Variants in FSIP1 observed in about 807,000 individuals in gnomAD.
FSIP1 encodes the protein fibrous sheath interacting protein 1.
Under a neutral mutation model 60.9 loss-of-function variants are expected in FSIP1, and 65 were observed. That is an observed-to-expected ratio of 1.07 (90% CI 0.87 to 1.31). The LOEUF (loss-of-function observed/expected upper bound fraction) is 1.31, where lower values mean the gene tolerates loss of function less well. Ranked by LOEUF, FSIP1 falls within the 40% of genes most tolerant of loss-of-function variation. FSIP1 has a pLI of 0.00. For synonymous variants in FSIP1, 209 were observed against 221.2 expected (o/e 0.94, Z 0.49); for missense variants, 675 against 665.5 (o/e 1.01, Z -0.16).
intron 8 of FSIP1, 43 bp downstream of exon 8, chr15:39,738,048 T>C (rs746722976): frequency 9.1e-7 from 1 of 1,099,334 alleles, no homozygotes; most frequent in Non-Finnish European, 1.3e-6. Context: ...TTTTTTAAAA[T>C]CTAAATTAAG....
intron 10 of FSIP1, among the ~76,000 whole-genome samples, chr15:39,711,350 G>A (rs996140293): frequency 1.3e-5 from 2 of 151,976 alleles, no homozygotes; most frequent in South Asian, 2.1e-4. Context: ...TTTCACTCAC[G>A]AGGGCTTCAC....
chr15:39,746,833 G>A (rs191514830), intron 5 of FSIP1, among the ~76,000 whole-genome samples: 1,891 of 136,918 alleles, frequency 0.014, 19 homozygotes, highest in Admixed American at 0.028. Context: ...AAAGGGGGAA[G>A]AAGGGGGAAC....
chr15:39,765,241 C>CTTTT (rs71132116), intron 4 of FSIP1, among the ~76,000 whole-genome samples: 113 of 115,110 alleles, frequency 9.8e-4, no homozygotes, highest in African/African-American at 1.2e-3. Context: ...GAAATTCTTT[C>CTTTT]TTTTTTTTTT....
chr15:39,718,376 A>G (rs7173948), intron 9 of FSIP1, among the ~76,000 whole-genome samples: 18,884 of 152,052 alleles, frequency 0.12, 1,405 homozygotes, highest in African/African-American at 0.2. Flanking sequence ...CTGGAAGGAA[A>G]TTTAACAATA....
chr15:39,605,917 T>A (rs539713935), intron 11 of FSIP1, among the ~76,000 whole-genome samples: 66 of 152,230 alleles, frequency 4.3e-4, no homozygotes, highest in African/African-American at 1.5e-3. Context: ...GAGAGAGAAA[T>A]TAACTAACTT....
rs148133384 is a variant in FSIP1 at position 39,705,635 on chromosome 15, A to G, written c.1188+7809T>C. Among the ~76,000 whole-genome samples the G allele has an allele frequency of 5.3e-3, 807 of 152,280 alleles. 4 individuals are homozygous for G. Among genetic ancestry groups the G allele is most frequent in the African/African-American group, 0.019 (771 of 41,552 alleles). Reference sequence around the variant, plus strand: ...TGCGCCAATATACGAATATATATATATAACATAGTTGATAAAAATCTATCT... The same window carrying G: ...TGCGCCAATATACGAATATATATATGTAACATAGTTGATAAAAATCTATCT... On this transcript the variant is annotated intron_variant, in intron 10 of 11. Transcript: ENST00000350221.
Position 39,726,727 on chromosome 15 carries a change from C to T in FSIP1, c.912G>A (p.Val304=). The stretch of plus-strand genomic sequence containing the variant: ...CAAGTTCATATCCTTTTACTGGGAC[C>T]ACCCAGCCAGACTGATCACCCTAAG... ...SSSEGDQSGW[V]VPVKGYELAV... The change falls in exon 9 of 12, where the codon GTG becomes GTA. Residue 304 remains valine, a synonymous_variant. Transcript: ENST00000350221. 1.2e-6 allele frequency: 2 copies of T among 1,614,000 alleles called. No homozygotes were observed. Among genetic ancestry groups the T allele is most frequent in the Non-Finnish European group, 1.7e-6 (2 of 1,179,984 alleles).
intron 10 of FSIP1, among the ~76,000 whole-genome samples, chr15:39,650,458 C>T (rs897324894): frequency 1.3e-5 from 2 of 152,154 alleles, no homozygotes; most frequent in Non-Finnish European, 2.9e-5. Flanking sequence ...TAAGTCCTCC[C>T]TTATGACTAA....
intron 10 of FSIP1, among the ~76,000 whole-genome samples, chr15:39,687,016 A>G (rs971943246): frequency 5.3e-5 from 8 of 151,382 alleles, no homozygotes; most frequent in South Asian, 2.1e-4. Flanking sequence ...CTCCTTGGCA[A>G]TCTCAATCTC....
At chr15:39,658,250 GA>G (rs1224775190) in intron 10 of FSIP1, among the ~76,000 whole-genome samples, 2 of 122,412 alleles carry the variant, frequency 1.6e-5, no homozygotes, top group East Asian at 2.2e-4. Context: ...AAGCAGACAT[GA>G]TTTTTTTTTT....
At chr15:39,758,584 A>G (rs1897378408) in intron 5 of FSIP1, among the ~76,000 whole-genome samples, 1 of 152,070 alleles carries the variant, frequency 6.6e-6, no homozygotes, top group African/African-American at 2.4e-5. Flanking sequence ...AATGAAATAT[A>G]TTAGTAAGTT....
intron 10 of FSIP1, among the ~76,000 whole-genome samples, chr15:39,704,830 A>G (rs768663): frequency 0.41 from 61,665 of 151,992 alleles, 13,064 homozygotes; most frequent in African/African-American, 0.53. Flanking sequence ...ATAAGAATCA[A>G]AATGAGAGGA....
intron 2 of FSIP1, among the ~76,000 whole-genome samples, chr15:39,772,154 C>T (rs1897910424): frequency 6.6e-6 from 1 of 152,156 alleles, no homozygotes; most frequent in African/African-American, 2.4e-5. Flanking sequence ...TAGTTTCCCA[C>T]CCCACTAGCT....
chr15:39,697,636 C>T (rs1250123618), intron 10 of FSIP1, among the ~76,000 whole-genome samples: 1 of 152,104 alleles, frequency 6.6e-6, no homozygotes, highest in East Asian at 1.9e-4. Context: ...TAAGAAAAGC[C>T]TATAACAGAA....
intron 10 of FSIP1, among the ~76,000 whole-genome samples, chr15:39,630,110 G>A (rs1891818789): frequency 6.6e-6 from 1 of 152,170 alleles, no homozygotes; most frequent in East Asian, 1.9e-4. Context: ...ACATTCTGTA[G>A]AGCACACAAA....
rs1263852324 is a variant in FSIP1, at chr15:39,646,765, A to ACATTT, written c.1189-28525_1189-28521dup. 2.6e-5 allele frequency among the ~76,000 whole-genome samples: 4 copies of ACATTT among 152,140 alleles called. No individual in the cohort carries two copies. The East Asian group carries it at 7.7e-4, about 29-fold the overall frequency. The stretch of plus-strand genomic sequence containing the variant: ...ACCACTTAACTTCATAAAGGTATCC[A>ACATTT]CATTTCCTTGTTCATTGCAGCATTA... On this transcript the variant is annotated intron_variant, in intron 10 of 11. Coordinates refer to ENST00000350221, the MANE Select transcript of FSIP1 (RefSeq NM_152597.5).
Position 39,617,809 on chromosome 15 carries a change from A to G in FSIP1, c.1625T>C (p.Leu542Pro). The G allele has an allele frequency of 6.2e-7, 1 of 1,614,076 alleles. No individual in the cohort carries two copies. Among genetic ancestry groups the G allele is most frequent in the African/African-American group, 1.3e-5 (1 of 75,056 alleles). ...LKRPSFLDDP[L>P]YGISVSLSSE... ...TGAAAGGCTCACACTGATACCATAC[A>G]GTGGATCATCTAAGAAGGAGGGCCT... The change falls in exon 11 of 12, where the codon CTG (leucine) becomes CCG (proline). Residue 542 changes from leucine to proline, a missense_variant. Coordinates refer to ENST00000350221, the MANE Select transcript of FSIP1 (RefSeq NM_152597.5).
chr15:39,722,812 C>A (rs978472486), intron 9 of FSIP1, among the ~76,000 whole-genome samples: 1 of 152,098 alleles, frequency 6.6e-6, no homozygotes, highest in Non-Finnish European at 1.5e-5. Flanking sequence ...CACCTGTAGT[C>A]CCAGCTTCTG....
intron 10 of FSIP1, among the ~76,000 whole-genome samples, chr15:39,677,670 A>G (rs1301823006): frequency 6.6e-6 from 1 of 152,182 alleles, no homozygotes. Flanking sequence ...GAGAAATGAT[A>G]AAATGTCATA....
Sources: allele counts gnomAD v4.1 joint callset (sites outside exome capture counted in the v4.1 genomes callset), GRCh38; gene constraint gnomAD v4.1.1; transcripts MANE v1.5; gene names NCBI Gene and HGNC (gene_info 2026-07-23, HGNC 2026-07-21).